The following CNTN5 variants were observed in gnomAD, a reference collection of about 807,000 sequenced individuals.
CNTN5 encodes contactin-5.
Under a neutral mutation model 129.1 loss-of-function variants are expected in CNTN5, and 77 were observed. The ratio of observed to expected loss-of-function variants is 0.60; its 90% CI spans 0.50 to 0.72. CNTN5 has a LOEUF of 0.72. CNTN5 is among the 30% of genes least tolerant of loss of function. The pLI, the probability that CNTN5 is intolerant of heterozygous loss-of-function variation, is 0.00. For synonymous variants in CNTN5, 509 were observed against 465.6 expected (o/e 1.09, Z -1.20); for missense variants, 1,478 against 1,328.8 (o/e 1.11, Z -1.75).
chr11:99,917,381 AT>A (rs994204511), intron 7 of CNTN5, among the ~76,000 whole-genome samples: 2 of 152,026 alleles, frequency 1.3e-5, no homozygotes, highest in Non-Finnish European at 2.9e-5. Context: ...ATCTGTTTTA[AT>A]TTTTTTAATG....
At chr11:100,241,407 T>C (rs1401536006) in intron 16 of CNTN5, among the ~76,000 whole-genome samples, 1 of 152,208 alleles carries the variant, frequency 6.6e-6, no homozygotes, top group Non-Finnish European at 1.5e-5. Context: ...TAATTTACCT[T>C]TCACCTGAAG....
intron 1 of CNTN5, among the ~76,000 whole-genome samples, chr11:99,265,191 G>A (rs1300691545): frequency 6.8e-6 from 1 of 146,874 alleles, no homozygotes; most frequent in African/African-American, 2.5e-5. Flanking sequence ...GAAAAATTTG[G>A]AATGAGAATA....
At chr11:99,750,986 C>T (rs1219062) in intron 3 of CNTN5, among the ~76,000 whole-genome samples, 34,792 of 152,068 alleles carry the variant, frequency 0.23, 4,700 homozygotes, top group Non-Finnish European at 0.32. Context: ...ATTAATTAAC[C>T]AACTGAAGTG....
chr11:99,242,877 A>G (rs914724130), intron 1 of CNTN5, among the ~76,000 whole-genome samples: 1 of 152,026 alleles, frequency 6.6e-6, no homozygotes, highest in African/African-American at 2.4e-5. Flanking sequence ...TCTTTATCCA[A>G]CTTACTATAA....
rs199582683 is a variant in CNTN5 at position 99,983,604 on chromosome 11, C to G, written c.878-18430C>G. On this transcript the variant is annotated intron_variant, in intron 8 of 24. Coordinates refer to ENST00000524871, the MANE Select transcript of CNTN5 (RefSeq NM_014361.4). The stretch of plus-strand genomic sequence containing the variant: ...TAGTAGTAGGAGGAGAACAGATGAA[C>G]AGATTAAAGGGTTGATCTAGAGCCC... 3.3e-5 allele frequency among the ~76,000 whole-genome samples: 5 copies of G among 152,276 alleles called. No homozygotes were observed. The East Asian group carries it at 7.7e-4, about 23-fold the overall frequency.
At chr11:99,636,220 C>A (rs573670935) in intron 3 of CNTN5, among the ~76,000 whole-genome samples, 1 of 152,146 alleles carries the variant, frequency 6.6e-6, no homozygotes, top group African/African-American at 2.4e-5. Flanking sequence ...ACTATTTTTA[C>A]ATTTTCAGTA....
At chr11:99,142,486 A>G (rs921512412) in intron 1 of CNTN5, among the ~76,000 whole-genome samples, 2 of 152,040 alleles carry the variant, frequency 1.3e-5, no homozygotes, top group African/African-American at 4.8e-5. Context: ...GAGCTATGGT[A>G]GTAGCTGCTG....
chr11:100,026,165 C>T (rs1442605314), intron 9 of CNTN5, among the ~76,000 whole-genome samples: 1 of 152,086 alleles, frequency 6.6e-6, no homozygotes, highest in Non-Finnish European at 1.5e-5. Context: ...ATGCCGTTCT[C>T]ATGATAGTGA....
Position 99,528,642 on chromosome 11 carries a change from T to C in CNTN5, c.-70-27503T>C, listed in dbSNP as rs78635790. Reference sequence around the variant, plus strand: ...TTAAGGAAGCTTCAGTGTTTTCACTTTGAGAACCAGAGAAGCTGATGGTGT... The same window carrying C: ...TTAAGGAAGCTTCAGTGTTTTCACTCTGAGAACCAGAGAAGCTGATGGTGT... On this transcript the variant is annotated intron_variant, in intron 2 of 24. Coordinates refer to ENST00000524871, the MANE Select transcript of CNTN5 (RefSeq NM_014361.4). Among the ~76,000 whole-genome samples, 388 of 152,336 alleles carry C rather than the reference T, an allele frequency of 2.5e-3. 3 individuals carry two copies. The highest frequency in any genetic ancestry group is 9.0e-3 in the African/African-American group (376 of 41,584).
At chr11:100,110,602 C>A (rs186485700) in intron 13 of CNTN5, among the ~76,000 whole-genome samples, 339 of 152,170 alleles carry the variant, frequency 2.2e-3, no homozygotes, top group African/African-American at 7.6e-3. Flanking sequence ...AATAAGGTAC[C>A]CTTTATCTAA....
At chr11:100,185,858 C>T (rs1283045067) in intron 13 of CNTN5, among the ~76,000 whole-genome samples, 1 of 152,176 alleles carries the variant, frequency 6.6e-6, no homozygotes, top group African/African-American at 2.4e-5. Flanking sequence ...CTTACCCAAA[C>T]CCAACCATTC....
intron 3 of CNTN5, among the ~76,000 whole-genome samples, chr11:99,610,148 C>A (rs770129799): frequency 6.6e-6 from 1 of 152,092 alleles, no homozygotes; most frequent in Non-Finnish European, 1.5e-5. Context: ...CTAATGTGTG[C>A]AAAACACTTA....
At chr11:100,301,436 A>G (rs994792554) in intron 20 of CNTN5, among the ~76,000 whole-genome samples, 1 of 151,592 alleles carries the variant, frequency 6.6e-6, no homozygotes, top group African/African-American at 2.4e-5. Context: ...GAAAATATGC[A>G]TATTTTCTTT....
chr11:99,306,622 A>T (rs1339862768), intron 1 of CNTN5, among the ~76,000 whole-genome samples: 1 of 151,752 alleles, frequency 6.6e-6, no homozygotes, highest in East Asian at 1.9e-4. Flanking sequence ...TAACTAAAAA[A>T]ATTCAGGAGG....
At chr11:99,818,495 A>T (rs945973423) in intron 3 of CNTN5, among the ~76,000 whole-genome samples, 1 of 152,142 alleles carries the variant, frequency 6.6e-6, no homozygotes, top group Non-Finnish European at 1.5e-5. Flanking sequence ...AGCTGAAGTC[A>T]TTCTCCCACC....
intron 2 of CNTN5, among the ~76,000 whole-genome samples, chr11:99,498,614 T>C (rs1389889318): frequency 6.6e-6 from 1 of 152,172 alleles, no homozygotes; most frequent in Non-Finnish European, 1.5e-5. Context: ...TTGAATAAGT[T>C]TGGTTTCCTG....
chr11:100,241,992 T>C (rs941031968), intron 16 of CNTN5, among the ~76,000 whole-genome samples: 2 of 152,200 alleles, frequency 1.3e-5, no homozygotes, highest in African/African-American at 4.8e-5. Context: ...GTTTGCCTTA[T>C]CGTTTCAATG....
chr11:100,069,309 C>G (rs900478165), intron 10 of CNTN5, among the ~76,000 whole-genome samples: 7 of 151,932 alleles, frequency 4.6e-5, no homozygotes, highest in Non-Finnish European at 1.0e-4. Context: ...TGTGCCACCA[C>G]ACCTGAATAA....
At chr11:100,341,355 A>G (rs1952157906) in intron 23 of CNTN5, 150 bp downstream of exon 23, 5 of 629,396 alleles carry the variant, frequency 7.9e-6, no homozygotes, top group Non-Finnish European at 1.1e-5. Flanking sequence ...TAGCCTTCCT[A>G]TAGATAGAGA....
Sources: gnomAD v4.1 joint callset for allele counts (sites outside exome capture counted in the v4.1 genomes callset) on GRCh38, gnomAD v4.1.1 for gene constraint, MANE v1.5 for transcripts, NCBI Gene and HGNC (gene_info 2026-07-23, HGNC 2026-07-21) for gene names.